The following TANK variants were observed in gnomAD, a reference collection of about 807,000 sequenced individuals.
TANK encodes the protein TRAF family member-associated NF-kappa-B activator.
In TANK, 15 loss-of-function variants were observed where a neutral mutation model predicts 43.6. The observed-to-expected ratio is 0.34, with a 90% CI of 0.23 to 0.53. The LOEUF (loss-of-function observed/expected upper bound fraction) is 0.53, where lower values mean the gene tolerates loss of function less well. Ranked by LOEUF, TANK falls within the 20% of genes least tolerant of loss-of-function variation. The probability of loss-of-function intolerance (pLI) is 0.94; values close to 1 mark genes in which losing one functional copy is unlikely to be tolerated. For missense variants in TANK, 417 were observed against 498.6 expected, an observed-to-expected ratio of 0.84 and a Z score of 1.56; for synonymous variants, 162 against 178.2, an observed-to-expected ratio of 0.91 and a Z score of 0.73.
At chr2:161,141,496 T>G (rs2105210480) in intron 1 of TANK, among the ~76,000 whole-genome samples, 1 of 152,206 alleles carries the variant, frequency 6.6e-6, no homozygotes, top group Admixed American at 6.5e-5. Context: ...CCCTCAACCC[T>G]GACTGGCCCC....
At chr2:161,199,293 A>G (rs1180012492) in intron 2 of TANK, among the ~76,000 whole-genome samples, 2 of 152,050 alleles carry the variant, frequency 1.3e-5, no homozygotes, top group African/African-American at 2.4e-5. Context: ...TCCTTAATAA[A>G]TCATTGGAGG....
intron 2 of TANK, among the ~76,000 whole-genome samples, chr2:161,187,063 T>A (rs1685693757): frequency 6.6e-6 from 1 of 152,152 alleles, no homozygotes; most frequent in Admixed American, 6.6e-5. Context: ...AGAACACTCA[T>A]ACAGTTGTTA....
intron 5 of TANK, among the ~76,000 whole-genome samples, 179 bp from the exon 6 acceptor site, chr2:161,224,452 G>T (rs1052066299): frequency 6.6e-6 from 1 of 151,956 alleles, no homozygotes; most frequent in African/African-American, 2.4e-5. Flanking sequence ...CTTACTTTGT[G>T]CCTGGCCCTC....
At chr2:161,173,475 T>C (rs1019747007) in intron 1 of TANK, among the ~76,000 whole-genome samples, 7 of 152,156 alleles carry the variant, frequency 4.6e-5, no homozygotes, top group African/African-American at 1.7e-4. Flanking sequence ...TTGTTCCTTC[T>C]ATTGAGCCTT....
At chr2:161,150,944 T>C (rs982826357) in intron 1 of TANK, among the ~76,000 whole-genome samples, 1 of 152,226 alleles carries the variant, frequency 6.6e-6, no homozygotes, top group Non-Finnish European at 1.5e-5. Context: ...CTCTGAGCAC[T>C]GTTTTTACTG....
At chr2:161,161,529 C>T in intron 1 of TANK, 1 of 1,470,766 alleles carries the variant, frequency 6.8e-7, no homozygotes, top group Non-Finnish European at 9.1e-7. Flanking sequence ...CCTTCTCAGT[C>T]CTCTCCCCAG....
chr2:161,218,972 AGT>A (rs1346006102), intron 4 of TANK, among the ~76,000 whole-genome samples: 1 of 151,896 alleles, frequency 6.6e-6, no homozygotes, highest in Non-Finnish European at 1.5e-5. Context: ...GAGTGAAAGG[AGT>A]GTGAGAAATC....
At chr2:161,209,420 A>C (rs558114317) in intron 4 of TANK, among the ~76,000 whole-genome samples, 1 of 152,326 alleles carries the variant, frequency 6.6e-6, no homozygotes, top group African/African-American at 2.4e-5. Flanking sequence ...TATTTGTGTA[A>C]CAAATATAAA....
chr2:161,164,044 A>G (rs1391916940), intron 1 of TANK, among the ~76,000 whole-genome samples: 1 of 152,202 alleles, frequency 6.6e-6, no homozygotes, highest in East Asian at 1.9e-4. Context: ...TACTAACAGT[A>G]GGATGCAGGC....
intron 1 of TANK, 66 bp downstream of exon 1, chr2:161,160,552 T>C (rs2105245379): frequency 1.6e-6 from 2 of 1,222,236 alleles, no homozygotes; most frequent in Non-Finnish European, 2.1e-6. Flanking sequence ...AGAATTTGTA[T>C]GCGTGAGCGA....
intron 4 of TANK, chr2:161,207,806 G>A: frequency 1.0e-6 from 1 of 985,378 alleles, no homozygotes; most frequent in East Asian, 1.1e-4. Flanking sequence ...ATCCATGTCT[G>A]TTGCAGTTTT....
At chr2:161,161,066 A>G (rs1684408229) in intron 1 of TANK, 1 of 738,762 alleles carries the variant, frequency 1.4e-6, no homozygotes, top group East Asian at 3.0e-5. Flanking sequence ...CAGGAAGAAC[A>G]GAAGCCAACC....
intron 4 of TANK, among the ~76,000 whole-genome samples, chr2:161,218,203 C>A (rs1433249665): frequency 1.3e-5 from 2 of 152,166 alleles, no homozygotes; most frequent in Non-Finnish European, 2.9e-5. Context: ...CCCTCCCACC[C>A]TGGGCAATAT....
chr2:161,157,123 A>C (rs1022155961), upstream of TANK, among the ~76,000 whole-genome samples: 2 of 152,220 alleles, frequency 1.3e-5, no homozygotes, highest in Non-Finnish European at 2.9e-5. Flanking sequence ...TGGAATTACT[A>C]GTAGGGGCCG....
Position 161,160,490 on chromosome 2 carries a change from A to G in TANK, c.-50+4A>G. Reference sequence around the variant, plus strand: ...CGCAGCTGAAAGCGTGAACTGTGTGAGTAAGAAACTTTGTGAATTGGTGTG... The same window carrying G: ...CGCAGCTGAAAGCGTGAACTGTGTGGGTAAGAAACTTTGTGAATTGGTGTG... On this transcript the variant is annotated splice_donor_region_variant and intron_variant, in intron 1 of 7. Coordinates refer to ENST00000392749, the MANE Select transcript of TANK (RefSeq NM_001199135.3). 1.6e-6 allele frequency: 2 copies of G among 1,254,684 alleles called. No individual in the cohort carries two copies. Among genetic ancestry groups the G allele is most frequent in the Non-Finnish European group, 2.0e-6 (2 of 998,384 alleles). 77.7% of individuals were successfully genotyped at this position (1,254,684 alleles called of 1,614,324 possible). A position where few individuals can be genotyped will look rare whatever the true frequency, so the allele number is the denominator to read the frequency against.
At chr2:161,187,233 C>T (rs1229018556) in intron 2 of TANK, among the ~76,000 whole-genome samples, 1 of 152,052 alleles carries the variant, frequency 6.6e-6, no homozygotes, top group Admixed American at 6.6e-5. Flanking sequence ...TAAGACCAGC[C>T]TGGGCCAACA....
At chr2:161,217,799 C>G (rs1044718707) in intron 4 of TANK, among the ~76,000 whole-genome samples, 1 of 151,862 alleles carries the variant, frequency 6.6e-6, no homozygotes, top group Non-Finnish European at 1.5e-5. Flanking sequence ...GAAAATATGA[C>G]CCAGTTATAA....
At position 161,175,187 on chromosome 2, in the gene TANK, A is replaced by T. The variant is rs1685123804; in HGVS notation, c.-49-4427A>T. Among the ~76,000 whole-genome samples, 3 of 152,168 alleles carry T rather than the reference A, an allele frequency of 2.0e-5. No homozygotes were observed. In the South Asian group the frequency reaches 6.2e-4, roughly 31 times the overall value. On this transcript the variant is annotated intron_variant, in intron 1 of 7. Transcript: ENST00000392749. The stretch of plus-strand genomic sequence containing the variant: ...ATGTCTGATTCATTCTTACTGTATC[A>T]GTGGTACCCAGCACACTTCTGCTCA...
chr2:161,205,461 T>C (rs553179976), intron 4 of TANK, among the ~76,000 whole-genome samples: 10 of 152,196 alleles, frequency 6.6e-5, no homozygotes, highest in African/African-American at 2.2e-4. Flanking sequence ...GATTAGATAA[T>C]AGCTTTCTAG....
Sources: allele counts gnomAD v4.1 joint callset (sites outside exome capture counted in the v4.1 genomes callset), GRCh38; gene constraint gnomAD v4.1.1; transcripts MANE v1.5; gene names NCBI Gene and HGNC (gene_info 2026-07-23, HGNC 2026-07-21).